The following ATP13A4 variants were observed in gnomAD, a reference collection of about 807,000 sequenced individuals.
The protein encoded by ATP13A4 is probable cation-transporting ATPase 13A4.
In ATP13A4, 114 loss-of-function variants were observed where a neutral mutation model predicts 142.5. The observed-to-expected ratio is 0.80, with a 90% CI of 0.69 to 0.93. ATP13A4 has a LOEUF of 0.93. Among genes scored for constraint, ATP13A4 ranks in the 40% least tolerant of loss-of-function variants. The pLI is 0.00. For synonymous variants in ATP13A4, 488 were observed against 514.8 expected, an observed-to-expected ratio of 0.95 and a Z score of 0.70; for missense variants, 1,392 against 1,454.0, an observed-to-expected ratio of 0.96 and a Z score of 0.69.
At chr3:193,529,091 G>A (rs775517509) in intron 1 of ATP13A4, among the ~76,000 whole-genome samples, 19 of 152,062 alleles carry the variant, frequency 1.2e-4, no homozygotes, top group Non-Finnish European at 2.2e-4. Context: ...CTAACATGGC[G>A]AAACCCCGTC....
At position 193,407,288 on chromosome 3, in the gene ATP13A4, A is replaced by T. The variant is rs201523936; in HGVS notation, c.3378+25T>A. The stretch of plus-strand genomic sequence containing the variant: ...CACATGCGTGCACACACACAAGATC[A>T]GCAGCCCAAGATCAGCACACTTACC... On this transcript the variant is annotated intron_variant, in intron 29 of 29. Coordinates refer to ENST00000342695, the MANE Select transcript of ATP13A4 (RefSeq NM_032279.4). The T allele has an allele frequency of 6.9e-5, 109 of 1,583,834 alleles. No homozygotes were observed. The African/African-American group carries it at 1.3e-3, about 19-fold the overall frequency.
At chr3:193,537,168 G>A (rs1020473004) in intron 1 of ATP13A4, among the ~76,000 whole-genome samples, 6 of 151,860 alleles carry the variant, frequency 4.0e-5, no homozygotes, top group Non-Finnish European at 8.8e-5. Flanking sequence ...GAAAAATAAC[G>A]AAGTGAAAAC....
In ATP13A4 at chr3:193,439,004, C is replaced by T. The variant is rs1716465765; in HGVS notation, c.2562+19G>A. The stretch of plus-strand genomic sequence containing the variant: ...AATCGAATGTGAGATTATGGCCACA[C>T]AAACTGGTAGCTACTTACCCCACAG... On this transcript the variant is annotated intron_variant, in intron 22 of 29. Transcript: ENST00000342695. 5.6e-6 allele frequency: 9 copies of T among 1,599,682 alleles called. No individual in the cohort carries two copies. Among genetic ancestry groups the T allele is most frequent in the Non-Finnish European group, 7.7e-6 (9 of 1,166,832 alleles).
In ATP13A4 at chr3:193,399,845, CAAAAAAAAA is replaced by C. The variant is rs71177402; in HGVS notation, c.*2798_*2806del. Among the ~76,000 whole-genome samples the C allele has an allele frequency of 1.4e-5, 1 of 72,708 alleles. No individual in the cohort carries two copies. The highest frequency in any genetic ancestry group is 2.4e-5 in the Non-Finnish European group (1 of 42,190). The allele number at this position is 72,708 out of a possible 152,430, so 47.7% of individuals were successfully genotyped here. A position where few individuals can be genotyped will look rare whatever the true frequency, so the allele number is the denominator to read the frequency against. On this transcript the variant is annotated 3_prime_UTR_variant, in exon 30 of 30. Transcript: ENST00000342695. The stretch of plus-strand genomic sequence containing the variant: ...TGGGCAACAGAGTGAGACTCCATCT[CAAAAAAAAA>C]AAAAAAAAAAAAAGGTTCACATCAC...
At chr3:193,510,946 T>C (rs891680310) in intron 2 of ATP13A4, among the ~76,000 whole-genome samples, 1 of 152,262 alleles carries the variant, frequency 6.6e-6, no homozygotes, top group African/African-American at 2.4e-5. Flanking sequence ...CTTTTTAAGA[T>C]GTCATTTTAA....
intron 3 of ATP13A4, among the ~76,000 whole-genome samples, chr3:193,499,853 C>T (rs550552736): frequency 4.4e-4 from 67 of 152,242 alleles, no homozygotes; most frequent in Middle Eastern, 3.4e-3. Context: ...AGACATGAAA[C>T]ATCTGTAGAT....
intron 25 of ATP13A4, among the ~76,000 whole-genome samples, chr3:193,425,083 G>T (rs1715590842): frequency 7.3e-6 from 1 of 136,364 alleles, no homozygotes; most frequent in Non-Finnish European, 1.6e-5. Context: ...AAATAGGTAT[G>T]CCATATGCCA....
intron 1 of ATP13A4, among the ~76,000 whole-genome samples, chr3:193,584,999 A>C (rs888864554): frequency 6.6e-6 from 1 of 152,198 alleles, no homozygotes; most frequent in African/African-American, 2.4e-5. Context: ...GGTCTAGAGC[A>C]TCATATAAAT....
In ATP13A4 at chr3:193,402,438, TA is replaced by T; in HGVS notation, c.*213del. On this transcript the variant is annotated 3_prime_UTR_variant, in exon 30 of 30. Transcript: ENST00000342695. ...TCTTGCCTTCACTGAATGCCTCTAA[TA>T]CCTTCAGAAGCCAAGAGGAAAGCAC... 1 of 543,436 alleles carries T rather than the reference TA, an allele frequency of 1.8e-6. No homozygotes were observed. Among genetic ancestry groups the T allele is most frequent in the Non-Finnish European group, 3.3e-6 (1 of 303,380 alleles). The allele number at this position is 543,436 out of a possible 1,614,324, so 33.7% of individuals were successfully genotyped here.
chr3:193,523,944 G>A (rs1458638698), intron 1 of ATP13A4, among the ~76,000 whole-genome samples: 1 of 152,078 alleles, frequency 6.6e-6, no homozygotes, highest in Non-Finnish European at 1.5e-5. Flanking sequence ...AGCTTCCTCA[G>A]TTTCTCTTTC....
chr3:193,502,665 C>T (rs755647137), intron 2 of ATP13A4, 26 bp from the exon 3 acceptor site: 1 of 1,610,794 alleles, frequency 6.2e-7, no homozygotes, highest in Non-Finnish European at 8.5e-7. Flanking sequence ...TCAAAACCCC[C>T]AAGAAGTTAA....
At chr3:193,514,985 G>A in intron 1 of ATP13A4, 114 bp from the exon 2 acceptor site, 1 of 1,146,600 alleles carries the variant, frequency 8.7e-7, no homozygotes, top group Non-Finnish European at 1.3e-6. Context: ...TGAGGAGGGT[G>A]AGGAGAGGGC....
chr3:193,427,855 A>G (rs1339729592), intron 25 of ATP13A4, among the ~76,000 whole-genome samples: 2 of 152,224 alleles, frequency 1.3e-5, no homozygotes. Context: ...AAACCTAGGC[A>G]ATACCATTCC....
Position 193,496,797 on chromosome 3 carries a change from CATAAATAAATAAATAA to C in ATP13A4, c.382-3653_382-3638del, listed in dbSNP as rs4019217. On this transcript the variant is annotated intron_variant, in intron 3 of 29. Transcript: ENST00000342695. ...CAGGGCACGACTCTGTCTCAAAATA[CATAAATAAATAAATAA>C]ATAAATAAATAAATAAATAAATAAA... 4.3e-3 allele frequency among the ~76,000 whole-genome samples: 629 copies of C among 145,664 alleles called. 3 individuals are homozygous for C. Among genetic ancestry groups the C allele is most frequent in the African/African-American group, 0.015 (576 of 39,538 alleles).
intron 2 of ATP13A4, among the ~76,000 whole-genome samples, chr3:193,573,303 A>ATATTCT (rs1553862281): frequency 0.056 from 5,515 of 98,934 alleles, 312 homozygotes; most frequent in Non-Finnish European, 0.092. Flanking sequence ...ATATATATAT[A>ATATTCT]TATACATATA....
intron 1 of ATP13A4, among the ~76,000 whole-genome samples, chr3:193,532,225 T>G (rs141875407): frequency 4.6e-4 from 70 of 152,086 alleles, no homozygotes; most frequent in African/African-American, 1.6e-3. Flanking sequence ...AGATAATGCT[T>G]CTTCTTTCAA....
rs1386255389 is a variant in ATP13A4 at position 193,535,875 on chromosome 3, C to T, written c.60+18865G>A. On this transcript the variant is annotated intron_variant, in intron 1 of 29. Transcript: ENST00000342695. ...AACAACTCTACACATATAAATTTGA[C>T]AACTTAGATAAAATAAACCAATTGC... 2.0e-5 allele frequency among the ~76,000 whole-genome samples: 3 copies of T among 151,916 alleles called. No individual in the cohort carries two copies. The East Asian group carries it at 5.8e-4, about 29-fold the overall frequency.
chr3:193,409,675 C>A (rs1714671308), intron 28 of ATP13A4, among the ~76,000 whole-genome samples: 1 of 152,196 alleles, frequency 6.6e-6, no homozygotes, highest in South Asian at 2.1e-4. Flanking sequence ...ACACTGCTAA[C>A]CACAGTGATG....
intron 1 of ATP13A4, among the ~76,000 whole-genome samples, chr3:193,582,440 C>A (rs1321750422): frequency 6.8e-6 from 1 of 147,728 alleles, no homozygotes; most frequent in Non-Finnish European, 1.5e-5. Context: ...AGCCACCGCA[C>A]CTGGCCATAT....
Sources: gnomAD v4.1 joint callset for allele counts (sites outside exome capture counted in the v4.1 genomes callset) on GRCh38, gnomAD v4.1.1 for gene constraint, MANE v1.5 for transcripts, NCBI Gene and HGNC (gene_info 2026-07-23, HGNC 2026-07-21) for gene names.